Variants in GBE1 observed in about 807,000 individuals in gnomAD.
The protein encoded by GBE1 is 1,4-alpha-glucan branching enzyme 1.
Under a neutral mutation model 88.8 loss-of-function variants are expected in GBE1, and 70 were observed. The ratio of observed to expected loss-of-function variants is 0.79; its 90% confidence interval spans 0.65 to 0.96. GBE1 has a LOEUF of 0.96. Ranked by LOEUF, GBE1 falls within the 40% of genes least tolerant of loss-of-function variation. GBE1 has a pLI of 0.00. For missense variants in GBE1, 872 were observed against 871.0 expected (o/e 1.00, Z -0.01); for synonymous variants, 284 against 300.1 (o/e 0.95, Z 0.56).
At chr3:81,658,307 T>C (rs1376830957) in intron 3 of GBE1, among the ~76,000 whole-genome samples, 1 of 151,992 alleles carries the variant, frequency 6.6e-6, no homozygotes, top group Non-Finnish European at 1.5e-5. Context: ...GTCAGACCAG[T>C]TTATACAAAA....
rs911445297 is a variant in GBE1 at position 81,614,488 on chromosome 3, A to T, written c.993-20465T>A. 3.3e-5 allele frequency among the ~76,000 whole-genome samples: 5 copies of T among 152,010 alleles called. No individual in the cohort carries two copies. The East Asian group carries it at 9.8e-4, about 30-fold the overall frequency. On this transcript the variant is annotated intron_variant, in intron 7 of 15. Coordinates refer to ENST00000429644, the MANE Select transcript of GBE1 (RefSeq NM_000158.4). ...ATGGTGGCTCATGCCTGCAATCCCA[A>T]CTCTGTGGGAGGCCAAGGCGGGGGC...
At chr3:81,568,629 A>AC (rs1703529659) in intron 12 of GBE1, among the ~76,000 whole-genome samples, 1 of 152,194 alleles carries the variant, frequency 6.6e-6, no homozygotes, top group Admixed American at 6.5e-5. Flanking sequence ...TGTACTTAGT[A>AC]ACTACCTGAG....
chr3:81,522,680 A>G (rs1047480836), intron 14 of GBE1, among the ~76,000 whole-genome samples: 5 of 151,602 alleles, frequency 3.3e-5, no homozygotes, highest in African/African-American at 1.2e-4. Context: ...AAAAAGCAAT[A>G]ATGTATGTGA....
intron 7 of GBE1, among the ~76,000 whole-genome samples, chr3:81,620,281 C>T (rs1200865147): frequency 2.0e-5 from 3 of 151,432 alleles, no homozygotes; most frequent in African/African-American, 7.3e-5. Context: ...CTCCCGGGTT[C>T]AAGTGATTCT....
intron 1 of GBE1, among the ~76,000 whole-genome samples, chr3:81,758,584 A>C (rs1019108452): frequency 1.3e-5 from 2 of 152,228 alleles, no homozygotes; most frequent in Non-Finnish European, 2.9e-5. Flanking sequence ...GGAACAATTA[A>C]ATGTTGTTTT....
intron 14 of GBE1, among the ~76,000 whole-genome samples, chr3:81,512,529 G>GA (rs1193723847): frequency 6.6e-6 from 1 of 151,586 alleles, no homozygotes; most frequent in African/African-American, 2.4e-5. Flanking sequence ...TATAAATAGA[G>GA]AAAAAAACCA....
rs1405930755 is a variant in GBE1, at chr3:81,586,153, G to A, written c.1274C>T (p.Ser425Phe). The A allele has an allele frequency of 6.2e-6, 10 of 1,609,090 alleles. No individual in the cohort carries two copies. Among genetic ancestry groups the A allele is most frequent in the Non-Finnish European group, 8.5e-6 (10 of 1,178,170 alleles). The change falls in exon 10 of 16, where the codon TCC (serine) becomes TTC (phenylalanine). Residue 425 changes from serine (S) to phenylalanine (F), a missense_variant. Coordinates refer to ENST00000429644, the MANE Select transcript of GBE1 (RefSeq NM_000158.4). ...ATAGTCAAAACCACCCCCTCCCTGG[G>A]AAATTGGAGAGCACAGAGCTGGCAT... Reference protein sequence around the residue: ...SGMPALCSPISQGGGGFDYRL... With the variant: ...SGMPALCSPIFQGGGGFDYRL...
chr3:81,654,127 A>C (rs2107083234), intron 3 of GBE1, among the ~76,000 whole-genome samples: 1 of 152,298 alleles, frequency 6.6e-6, no homozygotes, highest in African/African-American at 2.4e-5. Flanking sequence ...AATGAGCCAA[A>C]TTATTTATTT....
At chr3:81,611,092 T>C (rs1041936229) in intron 7 of GBE1, among the ~76,000 whole-genome samples, 87 of 152,188 alleles carry the variant, frequency 5.7e-4, no homozygotes, top group Non-Finnish European at 1.1e-3. Flanking sequence ...TGATTTTTTT[T>C]CCCCTGCTAC....
At chr3:81,593,295 A>G (rs1389821083) in intron 8 of GBE1, among the ~76,000 whole-genome samples, 1 of 151,082 alleles carries the variant, frequency 6.6e-6, no homozygotes, top group Non-Finnish European at 1.5e-5. Context: ...AACCCAAGAG[A>G]TGGAGTTTGC....
chr3:81,527,454 T>A (rs1203602625), intron 14 of GBE1, among the ~76,000 whole-genome samples: 1 of 151,928 alleles, frequency 6.6e-6, no homozygotes, highest in African/African-American at 2.4e-5. Flanking sequence ...TGGGAGAAAA[T>A]TTTTGCAATC....
Position 81,581,063 on chromosome 3 carries a change from G to A in GBE1, c.1446+102C>T, listed in dbSNP as rs9870056. On this transcript the variant is annotated intron_variant, in intron 11 of 15. Coordinates refer to ENST00000429644, the MANE Select transcript of GBE1 (RefSeq NM_000158.4). ...TACACACATTATAGTAACTACAGAG[G>A]TTTATATTTCGATATGTTTATATTT... 0.16 allele frequency: 112,149 copies of A among 691,076 alleles called. 10,045 individuals are homozygous for A. Among genetic ancestry groups the A allele is most frequent in the Non-Finnish European group, 0.2 (79,876 of 403,916 alleles). 42.8% of individuals were successfully genotyped at this position (691,076 alleles called of 1,614,324 possible).
Position 81,575,034 on chromosome 3 carries a change from G to A in GBE1, c.1618+2891C>T, listed in dbSNP as rs141649130. Among the ~76,000 whole-genome samples the A allele has an allele frequency of 6.1e-3, 922 of 151,736 alleles. 20 individuals carry two copies. The highest frequency in any genetic ancestry group is 0.021 in the African/African-American group (879 of 41,380). ...CAAAAAATTAGCTGGGCGTGGTGGC[G>A]GGCACCTGTAGTCCCAGTTACTTGG... On this transcript the variant is annotated intron_variant, in intron 12 of 15. Transcript: ENST00000429644.
In GBE1 at chr3:81,549,030, C is replaced by CT. The variant is rs150990059; in HGVS notation, c.1619-11936dup. Among the ~76,000 whole-genome samples the CT allele has an allele frequency of 6.2e-3, 705 of 114,248 alleles. 12 individuals carry two copies. The highest frequency in any genetic ancestry group is 0.017 in the African/African-American group (496 of 29,524). The allele number at this position is 114,248 out of a possible 152,430, so 75.0% of individuals were successfully genotyped here. ...AATTTGGAAACTATTTGTGAGTATT[C>CT]TTTTTTTTTTTTTTTTTTCAGATGG... On this transcript the variant is annotated intron_variant, in intron 12 of 15. Coordinates refer to ENST00000429644, the MANE Select transcript of GBE1 (RefSeq NM_000158.4).
chr3:81,582,251 C>T (rs1342439110), intron 10 of GBE1, among the ~76,000 whole-genome samples: 1 of 152,078 alleles, frequency 6.6e-6, no homozygotes, highest in Non-Finnish European at 1.5e-5. Flanking sequence ...TAGATGTTCA[C>T]AACCTAATCC....
At chr3:81,568,345 A>G (rs898941389) in intron 12 of GBE1, among the ~76,000 whole-genome samples, 10 of 152,102 alleles carry the variant, frequency 6.6e-5, no homozygotes, top group Admixed American at 6.6e-5. Flanking sequence ...ACGGGGTTTC[A>G]TCACGCTGGC....
intron 7 of GBE1, among the ~76,000 whole-genome samples, chr3:81,636,406 A>G (rs1004457258): frequency 6.6e-6 from 1 of 152,212 alleles, no homozygotes; most frequent in South Asian, 2.1e-4. Flanking sequence ...TGAGATTATA[A>G]TATTCTTAGT....
intron 1 of GBE1, among the ~76,000 whole-genome samples, chr3:81,713,700 A>T (rs553387344): frequency 2.0e-5 from 3 of 152,300 alleles, no homozygotes; most frequent in African/African-American, 7.2e-5. Context: ...TCTTATTTTT[A>T]AAATGTTGTA....
chr3:81,633,054 C>T (rs1704538716), intron 7 of GBE1, among the ~76,000 whole-genome samples: 1 of 152,168 alleles, frequency 6.6e-6, no homozygotes, highest in Non-Finnish European at 1.5e-5. Context: ...AATAGCTTGA[C>T]ATCCTTTTAA....
Sources: gnomAD v4.1 joint callset for allele counts (sites outside exome capture counted in the v4.1 genomes callset) on GRCh38, gnomAD v4.1.1 for gene constraint, MANE v1.5 for transcripts, NCBI Gene and HGNC (gene_info 2026-07-23, HGNC 2026-07-21) for gene names.